MAPRE1: variants seen among roughly 807,000 people sequenced by gnomAD.
MAPRE1 encodes microtubule-associated protein RP/EB family member 1.
In MAPRE1, 5 loss-of-function variants were observed where a neutral mutation model predicts 32.1. That is an observed-to-expected ratio of 0.16 (90% CI 0.08 to 0.33). The LOEUF (loss-of-function observed/expected upper bound fraction) is 0.33, where lower values mean the gene tolerates loss of function less well. Among genes scored for constraint, MAPRE1 ranks in the 10% least tolerant of loss-of-function variants. The pLI is 1.00. For missense variants in MAPRE1, 209 were observed against 327.2 expected, an observed-to-expected ratio of 0.64 and a Z score of 2.79; for synonymous variants, 122 against 118.9, an observed-to-expected ratio of 1.03 and a Z score of -0.17.
At chr20:32,837,383 TG>T (rs1452011498) in intron 4 of MAPRE1, among the ~76,000 whole-genome samples, 3 of 152,188 alleles carry the variant, frequency 2.0e-5, no homozygotes, top group Admixed American at 6.5e-5. Context: ...TAGGTGACTT[TG>T]GCTTGCCATG....
At chr20:32,837,953 C>T (rs1983246536) in intron 4 of MAPRE1, among the ~76,000 whole-genome samples, 1 of 152,078 alleles carries the variant, frequency 6.6e-6, no homozygotes, top group Non-Finnish European at 1.5e-5. Flanking sequence ...CATGGTGGTG[C>T]ATGCCTGTAA....
rs367790938 is a variant in MAPRE1, at chr20:32,848,520, A to G, written c.751-152A>G. On this transcript the variant is annotated intron_variant, in intron 6 of 6. Coordinates refer to ENST00000375571, the MANE Select transcript of MAPRE1 (RefSeq NM_012325.3). ...CAGTTTTTGTCTTTGGTGAGATGCA[A>G]TTCTACTACCCAAGAAATAAAATAG... 415 of 500,720 alleles carry G rather than the reference A, an allele frequency of 8.3e-4. 5 individuals are homozygous for G. The South Asian group carries it at 0.011, about 13-fold the overall frequency. 31.0% of individuals were successfully genotyped at this position (500,720 alleles called of 1,614,324 possible). A position where few individuals can be genotyped will look rare whatever the true frequency, so the allele number is the denominator to read the frequency against.
At chr20:32,830,828 C>T (rs150893937) in intron 2 of MAPRE1, among the ~76,000 whole-genome samples, 1,542 of 152,010 alleles carry the variant, frequency 0.01, 26 homozygotes, top group African/African-American at 0.035. Context: ...AGGTTCTCAC[C>T]ATTCTCTGCC....
intron 3 of MAPRE1, among the ~76,000 whole-genome samples, chr20:32,834,536 T>TG (rs1453096513): frequency 6.6e-6 from 1 of 152,190 alleles, no homozygotes; most frequent in African/African-American, 2.4e-5. Context: ...AAGCCATTTT[T>TG]GGGGGGATAA....
rs1382976699 is a variant in MAPRE1 at position 32,848,944 on chromosome 20, A to C, written c.*216A>C. ...TTGTAGCAGAGCAGTATTAACACCT[A>C]GTTGGTTCACCTGGAAAACAGAGAG... On this transcript the variant is annotated 3_prime_UTR_variant, in exon 7 of 7. Coordinates refer to ENST00000375571, the MANE Select transcript of MAPRE1 (RefSeq NM_012325.3). The C allele has an allele frequency of 2.6e-6, 1 of 386,146 alleles. No homozygotes were observed. The highest frequency in any genetic ancestry group is 4.6e-6 in the Non-Finnish European group (1 of 215,512). 23.9% of individuals were successfully genotyped at this position (386,146 alleles called of 1,614,324 possible). A position where few individuals can be genotyped will look rare whatever the true frequency, so the allele number is the denominator to read the frequency against.
rs765406456 is a variant in MAPRE1 at position 32,839,892 on chromosome 20, G to A, written c.597+36G>A. Reference sequence around the variant, plus strand: ...CTGTGTTTAGCACGTGAGTCACCTCGGGGGATAGGATCCTTGCGGTGGCCA... The same window carrying A: ...CTGTGTTTAGCACGTGAGTCACCTCAGGGGATAGGATCCTTGCGGTGGCCA... On this transcript the variant is annotated intron_variant, in intron 5 of 6. Transcript: ENST00000375571. 2.5e-6 allele frequency: 4 copies of A among 1,612,320 alleles called. No homozygotes were observed. The South Asian group carries it at 3.3e-5, about 13-fold the overall frequency.
rs1568885097 is a variant in MAPRE1 at position 32,848,993 on chromosome 20, G to A, written c.*265G>A. 3 of 323,236 alleles carry A rather than the reference G, an allele frequency of 9.3e-6. No homozygotes were observed. Among genetic ancestry groups the A allele is most frequent in the Non-Finnish European group, 1.1e-5 (2 of 175,948 alleles). 20.0% of individuals were successfully genotyped at this position (323,236 alleles called of 1,614,324 possible). A position where few individuals can be genotyped will look rare whatever the true frequency, so the allele number is the denominator to read the frequency against. On this transcript the variant is annotated 3_prime_UTR_variant, in exon 7 of 7. Transcript: ENST00000375571. ...AGGCTGACCGTGGGGCTCACCATGC[G>A]GATGCGGGTCACACTGAATGCTGGA...
chr20:32,836,466 AG>A (rs1983205540), intron 3 of MAPRE1, among the ~76,000 whole-genome samples, 167 bp from the exon 4 acceptor site: 1 of 152,192 alleles, frequency 6.6e-6, no homozygotes, highest in Non-Finnish European at 1.5e-5. Flanking sequence ...GTACTCTTGA[AG>A]GCAAACTGCA....
chr20:32,846,609 C>A lies in MAPRE1; in HGVS notation c.598-9C>A, dbSNP rs1341051886. ...CCAAGCATCTCACCCTTTTTAATGT[C>A]TTGTGCAGGTCAACGTATTGAAACT... On this transcript the variant is annotated splice_polypyrimidine_tract_variant and intron_variant, in intron 5 of 6. Coordinates refer to ENST00000375571, the MANE Select transcript of MAPRE1 (RefSeq NM_012325.3). 6.2e-7 allele frequency: 1 copy of A among 1,613,166 alleles called. No homozygotes were observed. Among genetic ancestry groups the A allele is most frequent in the Non-Finnish European group, 8.5e-7 (1 of 1,179,366 alleles).
At chr20:32,834,424 CACAA>C (rs1983127887) in intron 3 of MAPRE1, among the ~76,000 whole-genome samples, 1 of 152,168 alleles carries the variant, frequency 6.6e-6, no homozygotes, top group Non-Finnish European at 1.5e-5. Context: ...CATGGTTTAG[CACAA>C]ACATTTAATG....
intron 2 of MAPRE1, among the ~76,000 whole-genome samples, chr20:32,832,395 A>G (rs1260627824): frequency 1.6e-4 from 3 of 19,098 alleles, no homozygotes; most frequent in South Asian, 3.0e-3. Context: ...ACTTTTTGGA[A>G]AAAAAAAATG....
chr20:32,848,530 C>T, intron 6 of MAPRE1, 142 bp from the exon 7 acceptor site: 1 of 511,816 alleles, frequency 2.0e-6, no homozygotes, highest in Non-Finnish European at 3.4e-6. Flanking sequence ...ATTCTACTAC[C>T]CAAGAAATAA....
chr20:32,847,595 T>A (rs1197951317), intron 6 of MAPRE1, among the ~76,000 whole-genome samples: 1 of 152,218 alleles, frequency 6.6e-6, no homozygotes, highest in East Asian at 1.9e-4. Flanking sequence ...AAATCTTTAA[T>A]TTAGAGCTTG....
chr20:32,848,599 A>G (rs1017043794), intron 6 of MAPRE1, 73 bp from the exon 7 acceptor site: 4 of 1,136,104 alleles, frequency 3.5e-6, no homozygotes, highest in African/African-American at 3.1e-5. Context: ...AAGAGGCTGT[A>G]AGTATGAGGA....
chr20:32,836,884 A>G (rs1363715080), intron 4 of MAPRE1, 43 bp downstream of exon 4: 36 of 1,532,666 alleles, frequency 2.3e-5, no homozygotes, highest in Non-Finnish European at 3.1e-5. Context: ...ATAGCGTTCC[A>G]GATATTCATT....
rs117802927 is a variant in MAPRE1 at position 32,845,756 on chromosome 20, G to A, written c.598-862G>A. Among the ~76,000 whole-genome samples, 13 of 152,244 alleles carry A rather than the reference G, an allele frequency of 8.5e-5. No individual in the cohort carries two copies. The East Asian group carries it at 2.5e-3, about 29-fold the overall frequency. ...ACTCAGCCTCTAGAGTAGCTGAGAC[G>A]CGTGCGCCACTCCACCTGACATGCT... On this transcript the variant is annotated intron_variant, in intron 5 of 6. Transcript: ENST00000375571.
At chr20:32,831,485 G>T (rs558053690) in intron 2 of MAPRE1, among the ~76,000 whole-genome samples, 1 of 141,922 alleles carries the variant, frequency 7.0e-6, no homozygotes, top group African/African-American at 2.6e-5. Flanking sequence ...TTTAACTCCT[G>T]TGCAATTTTG....
intron 1 of MAPRE1, among the ~76,000 whole-genome samples, chr20:32,822,833 G>A (rs762390044): frequency 2.0e-5 from 3 of 152,112 alleles, no homozygotes; most frequent in African/African-American, 4.8e-5. Context: ...CAGAAATAAC[G>A]AGATAATGAC....
intron 5 of MAPRE1, among the ~76,000 whole-genome samples, chr20:32,845,469 C>T (rs1983483481): frequency 6.6e-6 from 1 of 152,088 alleles, no homozygotes; most frequent in East Asian, 1.9e-4. Context: ...CTTTGAAATT[C>T]GTTTTGATAA....
Sources: gnomAD v4.1 joint callset for allele counts (sites outside exome capture counted in the v4.1 genomes callset) on GRCh38, gnomAD v4.1.1 for gene constraint, MANE v1.5 for transcripts, NCBI Gene and HGNC (gene_info 2026-07-23, HGNC 2026-07-21) for gene names.